Variants in CUBN observed in about 807,000 individuals in gnomAD.
CUBN encodes 460 kDa receptor.
Under a neutral mutation model 405.3 loss-of-function variants are expected in CUBN, and 282 were observed. The observed-to-expected ratio is 0.70, with a 90% CI of 0.63 to 0.77. The LOEUF is 0.77. Ranked by LOEUF, CUBN falls within the 30% of genes least tolerant of loss-of-function variation. The pLI is 0.00. For missense variants in CUBN, 4,514 were observed against 4,475.2 expected (o/e 1.01, Z -0.25); for synonymous variants, 1,684 against 1,617.0 (o/e 1.04, Z -0.99).
intron 31 of CUBN, among the ~76,000 whole-genome samples, chr10:16,956,335 A>G (rs1202660687): frequency 6.6e-6 from 1 of 151,876 alleles, no homozygotes; most frequent in Non-Finnish European, 1.5e-5. Context: ...AAATATATAT[A>G]TATATATCTC....
chr10:17,105,489 G>C lies in CUBN; in HGVS notation c.1198C>G (p.Leu400Val), dbSNP rs1836604987. ...NGCVQLSNIC[L>V]SHPCLNGQCI... ...TGTCCATTTAGACAGGGGTGACTTAGGCAAATATTACTGAGCTGCACACAT... is the reference window on the plus strand; with the variant it reads ...TGTCCATTTAGACAGGGGTGACTTACGCAAATATTACTGAGCTGCACACAT... The change falls in exon 11 of 67, where the codon CTA becomes GTA. Residue 400 changes from leucine to valine, a missense_variant. Leu to Val is a conservative substitution (Grantham distance 32, BLOSUM62 1). Transcript: ENST00000377833. 2 of 1,609,332 alleles carry C rather than the reference G, an allele frequency of 1.2e-6. No individual in the cohort carries two copies. Among genetic ancestry groups the C allele is most frequent in the African/African-American group, 1.3e-5 (1 of 74,982 alleles).
At chr10:16,831,773 G>A (rs942308901) in intron 64 of CUBN, among the ~76,000 whole-genome samples, 1 of 152,134 alleles carries the variant, frequency 6.6e-6, no homozygotes, top group South Asian at 2.1e-4. Flanking sequence ...TTAAAAGGTG[G>A]AGATGGGCGG....
chr10:17,096,798 G>A (rs1836383433), intron 14 of CUBN, among the ~76,000 whole-genome samples: 1 of 151,982 alleles, frequency 6.6e-6, no homozygotes, highest in Non-Finnish European at 1.5e-5. Context: ...TATACTGCAT[G>A]ATTAGTGATC....
intron 47 of CUBN, 42 bp from the exon 48 acceptor site, chr10:16,914,034 A>G (rs928362805): frequency 3.7e-6 from 6 of 1,603,366 alleles, no homozygotes; most frequent in Non-Finnish European, 5.1e-6. Flanking sequence ...AATCAAATCA[A>G]AATGTTTCCT....
chr10:16,995,050 C>T (rs183208855), intron 28 of CUBN, among the ~76,000 whole-genome samples: 6 of 152,304 alleles, frequency 3.9e-5, no homozygotes, highest in Admixed American at 3.9e-4. Context: ...GAGATCACAG[C>T]ACTGCTCTCC....
chr10:16,925,113 T>C, intron 43 of CUBN, 128 bp downstream of exon 43: 1 of 694,114 alleles, frequency 1.4e-6, no homozygotes, highest in Non-Finnish European at 2.5e-6. Context: ...GTATCAAATA[T>C]AATAAGTACT....
chr10:17,006,530 A>T (rs1834030840), intron 28 of CUBN, among the ~76,000 whole-genome samples: 1 of 152,224 alleles, frequency 6.6e-6, no homozygotes, highest in Admixed American at 6.5e-5. Context: ...ATGAGAAGGA[A>T]TTCCCCCGAA....
At chr10:17,111,992 C>T (rs1333769344) in intron 8 of CUBN, among the ~76,000 whole-genome samples, 1 of 152,128 alleles carries the variant, frequency 6.6e-6, no homozygotes, top group African/African-American at 2.4e-5. Context: ...ATTTTTTAAA[C>T]TCTTGCATAT....
In CUBN at chr10:16,942,895, CAAGGGG is replaced by C. The variant is rs371505834; in HGVS notation, c.5343-2664_5343-2659del. On this transcript the variant is annotated intron_variant, in intron 36 of 66. Coordinates refer to ENST00000377833, the MANE Select transcript of CUBN (RefSeq NM_001081.4). Reference sequence around the variant, plus strand: ...GAAGGGAAGGGAGGGGAACGGAAGGCAAGGGGAAGGGGAAGGGGAAAGGAAAGGAAA... The same window carrying C: ...GAAGGGAAGGGAGGGGAACGGAAGGCAAGGGGAAGGGGAAAGGAAAGGAAA... Among the ~76,000 whole-genome samples, 92 of 138,712 alleles carry C rather than the reference CAAGGGG, an allele frequency of 6.6e-4. 1 individual carries two copies. The highest frequency in any genetic ancestry group is 2.2e-3 in the African/African-American group (81 of 36,572). 91.0% of individuals were successfully genotyped at this position (138,712 alleles called of 152,430 possible).
At position 16,984,324 on chromosome 10, in the gene CUBN, C is replaced by G. The variant is rs1243522887; in HGVS notation, c.4351-45G>C. 7 of 1,566,358 alleles carry G rather than the reference C, an allele frequency of 4.5e-6. No homozygotes were observed. The African/African-American group carries it at 8.1e-5, about 18-fold the overall frequency. On this transcript the variant is annotated intron_variant, in intron 29 of 66. Transcript: ENST00000377833. ...AAAAGACTTTAAAAAATATTTTAAG[C>G]AATTACAGGCCCTTGCTCTGGCTCA...
At chr10:17,020,041 T>A (rs1470891318) in intron 27 of CUBN, 58 bp from the exon 28 acceptor site, 24 of 1,598,230 alleles carry the variant, frequency 1.5e-5, no homozygotes, top group Admixed American at 6.7e-5. Flanking sequence ...GATGGAAAAA[T>A]CCAAGTCTAC....
At position 16,947,221 on chromosome 10, in the gene CUBN, A is replaced by T. The variant is rs367727286; in HGVS notation, c.5342+14T>A. ...CATTAGCACTGAAACAATACACCAT[A>T]AAAAAGGATTTACATAAAAGACAGC... On this transcript the variant is annotated intron_variant, in intron 36 of 66. Coordinates refer to ENST00000377833, the MANE Select transcript of CUBN (RefSeq NM_001081.4). 17 of 1,613,296 alleles carry T rather than the reference A, an allele frequency of 1.1e-5. No homozygotes were observed. The highest frequency in any genetic ancestry group is 1.4e-5 in the Non-Finnish European group (17 of 1,179,280).
At chr10:16,859,443 A>C (rs1209330085) in intron 59 of CUBN, among the ~76,000 whole-genome samples, 2 of 152,222 alleles carry the variant, frequency 1.3e-5, no homozygotes, top group Non-Finnish European at 2.9e-5. Context: ...AAATAAAATT[A>C]AATAACAACA....
At chr10:17,024,921 C>T (rs1834616092) in intron 27 of CUBN, among the ~76,000 whole-genome samples, 1 of 152,200 alleles carries the variant, frequency 6.6e-6, no homozygotes, top group Middle Eastern at 3.4e-3. Context: ...CCTGGAAGGT[C>T]TTCTGGAAGA....
chr10:16,974,356 C>T (rs1170084483), intron 31 of CUBN, among the ~76,000 whole-genome samples: 1 of 152,062 alleles, frequency 6.6e-6, no homozygotes, highest in Non-Finnish European at 1.5e-5. Context: ...AATGTCTTGC[C>T]TGGGTTCTTA....
intron 33 of CUBN, among the ~76,000 whole-genome samples, chr10:16,951,979 T>C (rs780028309): frequency 6.6e-6 from 1 of 151,900 alleles, no homozygotes; most frequent in South Asian, 2.1e-4. Context: ...CGCCTGTTAA[T>C]ACAGCAAGGT....
In CUBN at chr10:16,869,784, G is replaced by A. The variant is rs957270224; in HGVS notation, c.9306C>T (p.Ala3102=). ...TGCCAAGAAGGGGATCGCTGGTATTGGCACCATCGTAAATTGCCAGGTAGT... is the reference window on the plus strand; with the variant it reads ...TGCCAAGAAGGGGATCGCTGGTATTAGCACCATCGTAAATTGCCAGGTAGT... ...SHDYLAIYDG[A]NTSDPLLGKF... Residue 3102 remains alanine, a synonymous_variant, in exon 59 of 67, where the codon GCC becomes GCT. Transcript: ENST00000377833. 5 of 1,613,914 alleles carry A rather than the reference G, an allele frequency of 3.1e-6. No individual in the cohort carries two copies. Among genetic ancestry groups the A allele is most frequent in the Admixed American group, 1.7e-5 (1 of 59,998 alleles).
rs147449194 is a variant in CUBN at position 17,100,089 on chromosome 10, C to T, written c.1681G>A (p.Asp561Asn). 492 of 1,613,920 alleles carry T rather than the reference C, an allele frequency of 3.0e-4. 1 individual carries two copies. The African/African-American group carries it at 6.0e-3, about 20-fold the overall frequency. The part of the protein sequence containing the change: ...SSLPHELLSS[D>N]NALYFHLYSE... Reference sequence around the variant, plus strand: ...TAGAGATGAAAATAGAGAGCATTGTCACTGCTGAGGAGTTCATGAGGGAGG... The same window carrying T: ...TAGAGATGAAAATAGAGAGCATTGTTACTGCTGAGGAGTTCATGAGGGAGG... Residue 561 changes from aspartate (D) to asparagine (N), a missense_variant, in exon 14 of 67, where the codon GAC becomes AAC. Asp to Asn is a conservative substitution (Grantham distance 23). This residue lies in a region of CUBN where 1,448 missense variants were observed against 1,388.0 expected (regional missense o/e 1.04). Coordinates refer to ENST00000377833, the MANE Select transcript of CUBN (RefSeq NM_001081.4).
chr10:16,846,601 C>T (rs1005227906), intron 60 of CUBN, among the ~76,000 whole-genome samples: 1 of 151,912 alleles, frequency 6.6e-6, no homozygotes. Flanking sequence ...CACCTAAGGT[C>T]AGGAGTTCGA....
Sources: allele counts gnomAD v4.1 joint callset (sites outside exome capture counted in the v4.1 genomes callset), GRCh38; gene constraint gnomAD v4.1.1; regional missense constraint gnomAD v4.1.1; transcripts MANE v1.5; gene names NCBI Gene and HGNC (gene_info 2026-07-23, HGNC 2026-07-21).